Variants in TMEM266 observed in about 807,000 individuals in gnomAD.
The protein encoded by TMEM266 is transmembrane protein 266.
Under a neutral mutation model 50.5 loss-of-function variants are expected in TMEM266, and 33 were observed. The observed-to-expected ratio is 0.65, with a 90% CI of 0.50 to 0.87. The LOEUF is 0.87. Ranked by LOEUF, TMEM266 falls within the 40% of genes least tolerant of loss-of-function variation. The probability of loss-of-function intolerance (pLI) is 0.00; values close to 1 mark genes in which losing one functional copy is unlikely to be tolerated. For synonymous variants in TMEM266, 310 were observed against 292.3 expected, an observed-to-expected ratio of 1.06 and a Z score of -0.62; for missense variants, 655 against 695.1, an observed-to-expected ratio of 0.94 and a Z score of 0.65.
At chr15:76,192,261 C>G in intron 9 of TMEM266, 104 bp downstream of exon 9, 4 of 1,086,508 alleles carry the variant, frequency 3.7e-6, no homozygotes, top group Non-Finnish European at 4.9e-6. Flanking sequence ...GGGTTCCTTT[C>G]AGGTGTGTGC....
At chr15:76,145,904 T>C (rs1567166604) in intron 3 of TMEM266, among the ~76,000 whole-genome samples, 1 of 152,362 alleles carries the variant, frequency 6.6e-6, no homozygotes, top group East Asian at 1.9e-4. Flanking sequence ...TTGTTCTCAT[T>C]CTGTGATGTT....
chr15:76,098,698 G>A (rs753522158), intron 1 of TMEM266, among the ~76,000 whole-genome samples: 1 of 152,044 alleles, frequency 6.6e-6, no homozygotes, highest in Non-Finnish European at 1.5e-5. Flanking sequence ...CTTTCCCCAG[G>A]TGCTCTGTCC....
chr15:76,103,960 C>G (rs1015827662), intron 1 of TMEM266, among the ~76,000 whole-genome samples: 3 of 150,406 alleles, frequency 2.0e-5, no homozygotes, highest in African/African-American at 7.3e-5. Flanking sequence ...GTAATCCCAG[C>G]CCTTTGGGAG....
intron 1 of TMEM266, among the ~76,000 whole-genome samples, chr15:76,126,837 G>A (rs1362181446): frequency 6.6e-6 from 1 of 152,006 alleles, no homozygotes; most frequent in Non-Finnish European, 1.5e-5. Context: ...CCTATATGTA[G>A]AATCTTTTTT....
intron 1 of TMEM266, among the ~76,000 whole-genome samples, chr15:76,089,927 G>A (rs1272722296): frequency 6.6e-6 from 1 of 152,172 alleles, no homozygotes. Context: ...TGACTCCCAT[G>A]GCTCTTAACT....
chr15:76,120,450 A>G (rs1461880075), intron 1 of TMEM266, among the ~76,000 whole-genome samples: 1 of 152,144 alleles, frequency 6.6e-6, no homozygotes, highest in Non-Finnish European at 1.5e-5. Flanking sequence ...ACATAATTAT[A>G]TAAGCACAAA....
At chr15:76,125,263 A>G (rs1459558072) in intron 1 of TMEM266, among the ~76,000 whole-genome samples, 5 of 152,180 alleles carry the variant, frequency 3.3e-5, no homozygotes, top group African/African-American at 1.2e-4. Context: ...ACCTCAGGCA[A>G]CAAAAGCAAA....
chr15:76,189,642 C>T (rs1217254793), intron 8 of TMEM266, among the ~76,000 whole-genome samples: 1 of 152,036 alleles, frequency 6.6e-6, no homozygotes, highest in Non-Finnish European at 1.5e-5. Context: ...GGCTAAAGGT[C>T]TGCATGCATA....
At chr15:76,116,896 C>CTTTTTTT (rs143849730) in intron 1 of TMEM266, among the ~76,000 whole-genome samples, 1 of 131,662 alleles carries the variant, frequency 7.6e-6, no homozygotes, top group Non-Finnish European at 1.7e-5. Flanking sequence ...AGCATATCTT[C>CTTTTTTT]TTTTTTTTTT....
chr15:76,067,919 G>A (rs189165363), intron 1 of TMEM266, among the ~76,000 whole-genome samples: 92 of 152,200 alleles, frequency 6.0e-4, no homozygotes, highest in Non-Finnish European at 7.5e-4. Flanking sequence ...CCTGCAAAGG[G>A]CCAGCTCTCC....
At position 76,204,586 on chromosome 15, in the gene TMEM266, G is replaced by C. The variant is rs2038807953; in HGVS notation, c.*271G>C. On this transcript the variant is annotated 3_prime_UTR_variant, in exon 11 of 11. Coordinates refer to ENST00000388942, the MANE Select transcript of TMEM266 (RefSeq NM_152335.3). ...TAACCATTTTTACAAAAACCAGCCT[G>C]TGGCCCAGCTTCAGCAGGGTAGAGT... 3.3e-6 allele frequency: 1 copy of C among 303,492 alleles called. No individual in the cohort carries two copies. The highest frequency in any genetic ancestry group is 6.1e-6 in the Non-Finnish European group (1 of 163,360). The allele number at this position is 303,492 out of a possible 1,614,324, so 18.8% of individuals were successfully genotyped here.
chr15:76,067,689 T>G (rs1169792896), intron 1 of TMEM266, among the ~76,000 whole-genome samples: 1 of 146,248 alleles, frequency 6.8e-6, no homozygotes, highest in East Asian at 2.0e-4. Flanking sequence ...ATTCTTGGGT[T>G]TTTTTTTTTT....
In TMEM266 at chr15:76,164,027, A is replaced by G. The variant is rs2038056436; in HGVS notation, c.456+3859A>G. On this transcript the variant is annotated intron_variant, in intron 5 of 10. Coordinates refer to ENST00000388942, the MANE Select transcript of TMEM266 (RefSeq NM_152335.3). ...ACCCTCAAAAGGAGACCCCATTCCC[A>G]GTAGCAGTCACTCCCCCTGCCCCCT... is the stretch of plus-strand genomic sequence containing the variant. Among the ~76,000 whole-genome samples, 4 of 152,250 alleles carry G rather than the reference A, an allele frequency of 2.6e-5. No individual in the cohort carries two copies. The South Asian group carries it at 8.3e-4, about 32-fold the overall frequency.
intron 1 of TMEM266, among the ~76,000 whole-genome samples, chr15:76,073,295 C>T (rs1424122196): frequency 2.1e-5 from 3 of 144,060 alleles, no homozygotes; most frequent in Non-Finnish European, 4.5e-5. Context: ...TGCAGTGGTG[C>T]GATCTCGGCT....
intron 1 of TMEM266, among the ~76,000 whole-genome samples, chr15:76,133,770 G>GA (rs145192765): frequency 2.6e-5 from 4 of 152,160 alleles, no homozygotes; most frequent in African/African-American, 9.7e-5. Flanking sequence ...GGAAGTGGGA[G>GA]AAAAAATACA....
intron 1 of TMEM266, among the ~76,000 whole-genome samples, chr15:76,062,613 C>T (rs2036326345): frequency 6.6e-6 from 1 of 152,112 alleles, no homozygotes; most frequent in Non-Finnish European, 1.5e-5. Flanking sequence ...ATGAGTTTTC[C>T]TGTGGGGAGC....
chr15:76,144,015 C>T (rs1188379836), intron 3 of TMEM266, among the ~76,000 whole-genome samples: 3 of 152,120 alleles, frequency 2.0e-5, no homozygotes, highest in African/African-American at 4.8e-5. Context: ...TGGCTGCATA[C>T]TTGAGAGGAG....
At chr15:76,138,638 G>C (rs2037629744) in intron 3 of TMEM266, among the ~76,000 whole-genome samples, 2 of 152,240 alleles carry the variant, frequency 1.3e-5, no homozygotes, top group Non-Finnish European at 2.9e-5. Context: ...GCAGGAACAT[G>C]CTTAGGATGT....
At chr15:76,198,810 CACAAG>C (rs902498000) in intron 9 of TMEM266, among the ~76,000 whole-genome samples, 1 of 94,306 alleles carries the variant, frequency 1.1e-5, no homozygotes, top group African/African-American at 3.1e-5. Flanking sequence ...GCCTGCATGA[CACAAG>C]ACAACAGGCA....
Sources: allele counts gnomAD v4.1 joint callset (sites outside exome capture counted in the v4.1 genomes callset), GRCh38; gene constraint gnomAD v4.1.1; transcripts MANE v1.5; gene names NCBI Gene and HGNC (gene_info 2026-07-23, HGNC 2026-07-21).